Variants in SPAG16 observed in about 807,000 individuals in gnomAD.
The protein encoded by SPAG16 is sperm-associated antigen 16 protein.
SPAG16 carries 86 observed loss-of-function variants against 80.4 expected under a neutral mutation model. That is an observed-to-expected ratio of 1.07 (90% confidence interval 0.90 to 1.28). The LOEUF is 1.28. SPAG16 is among the 50% of genes most tolerant of loss of function. The pLI, the probability that SPAG16 is intolerant of heterozygous loss-of-function variation, is 0.00. For synonymous variants in SPAG16, 294 were observed against 265.9 expected, an observed-to-expected ratio of 1.11 and a Z score of -1.03; for missense variants, 870 against 765.3, an observed-to-expected ratio of 1.14 and a Z score of -1.61.
At chr2:213,309,011 C>T (rs982211592) in intron 3 of SPAG16, among the ~76,000 whole-genome samples, 1 of 152,050 alleles carries the variant, frequency 6.6e-6, no homozygotes, top group Non-Finnish European at 1.5e-5. Flanking sequence ...GTACACACAG[C>T]CTGAAGGTAA....
At chr2:213,940,045 A>G (rs1238650769) in intron 12 of SPAG16, among the ~76,000 whole-genome samples, 1 of 152,176 alleles carries the variant, frequency 6.6e-6, no homozygotes, top group East Asian at 1.9e-4. Context: ...CAAGGCATAC[A>G]CCTACTGTTG....
chr2:213,406,093 G>A (rs994021418), intron 9 of SPAG16, among the ~76,000 whole-genome samples: 1 of 152,156 alleles, frequency 6.6e-6, no homozygotes, highest in Non-Finnish European at 1.5e-5. Context: ...AAAGGCAATG[G>A]TCAATTACTG....
At chr2:213,489,346 T>C (rs2074138537) in intron 9 of SPAG16, among the ~76,000 whole-genome samples, 2 of 152,102 alleles carry the variant, frequency 1.3e-5, no homozygotes, top group African/African-American at 4.8e-5. Context: ...AAATGCTCTT[T>C]GATCTGTAGC....
intron 10 of SPAG16, among the ~76,000 whole-genome samples, chr2:213,522,278 C>T (rs868540805): frequency 4.6e-5 from 7 of 152,106 alleles, no homozygotes; most frequent in Non-Finnish European, 8.8e-5. Context: ...CTCCATTATT[C>T]GAAAGCTTTA....
At chr2:214,030,254 C>T (rs1387531414) in intron 13 of SPAG16, among the ~76,000 whole-genome samples, 1 of 152,116 alleles carries the variant, frequency 6.6e-6, no homozygotes, top group East Asian at 1.9e-4. Context: ...TGGATTATTT[C>T]ACTTAGCACA....
At chr2:213,299,481 T>C (rs951824663) in intron 3 of SPAG16, among the ~76,000 whole-genome samples, 8 of 151,688 alleles carry the variant, frequency 5.3e-5, no homozygotes, top group Non-Finnish European at 8.8e-5. Context: ...GGTTTCACCA[T>C]GTTAGCCAGG....
intron 11 of SPAG16, among the ~76,000 whole-genome samples, chr2:213,877,124 T>C (rs2076170654): frequency 1.3e-5 from 2 of 152,260 alleles, no homozygotes; most frequent in East Asian, 3.9e-4. Flanking sequence ...TAACATGTAC[T>C]TTTTCTGCTT....
intron 14 of SPAG16, among the ~76,000 whole-genome samples, chr2:214,139,717 G>C (rs1245916417): frequency 6.6e-6 from 1 of 151,890 alleles, no homozygotes; most frequent in Non-Finnish European, 1.5e-5. Flanking sequence ...CTTTCTAATG[G>C]CCTGGGTAAA....
At chr2:213,429,323 C>T (rs965770528) in intron 9 of SPAG16, among the ~76,000 whole-genome samples, 2 of 152,084 alleles carry the variant, frequency 1.3e-5, no homozygotes, top group Non-Finnish European at 2.9e-5. Context: ...TGCAGAATTT[C>T]CCTGTTGCCC....
chr2:214,369,746 T>G (rs1699696583), intron 15 of SPAG16, among the ~76,000 whole-genome samples: 1 of 152,054 alleles, frequency 6.6e-6, no homozygotes, highest in Admixed American at 6.6e-5. Context: ...TATTTTCCCC[T>G]GCTATCTCAG....
chr2:213,660,134 C>A (rs1200557664), intron 10 of SPAG16, among the ~76,000 whole-genome samples: 1 of 152,060 alleles, frequency 6.6e-6, no homozygotes, highest in East Asian at 1.9e-4. Flanking sequence ...TATAACACAG[C>A]AAAGAAATAT....
intron 12 of SPAG16, among the ~76,000 whole-genome samples, chr2:214,013,405 A>T (rs1035892854): frequency 1.3e-5 from 2 of 151,778 alleles, no homozygotes; most frequent in African/African-American, 4.8e-5. Context: ...AACCATAGTC[A>T]CCCTACTGTG....
chr2:213,607,391 GT>G (rs2061300541), intron 10 of SPAG16, among the ~76,000 whole-genome samples: 1 of 152,152 alleles, frequency 6.6e-6, no homozygotes, highest in Non-Finnish European at 1.5e-5. Context: ...TATTAGGTGT[GT>G]GAATTAACTT....
chr2:213,711,761 C>CA (rs2065998844), intron 10 of SPAG16, among the ~76,000 whole-genome samples: 1 of 152,196 alleles, frequency 6.6e-6, no homozygotes, highest in Non-Finnish European at 1.5e-5. Flanking sequence ...CTCAGGTGAT[C>CA]TGCCTGCCTT....
At chr2:214,120,777 A>G (rs897485782) in intron 14 of SPAG16, among the ~76,000 whole-genome samples, 1 of 151,898 alleles carries the variant, frequency 6.6e-6, no homozygotes, top group Non-Finnish European at 1.5e-5. Flanking sequence ...CCTGTTATCT[A>G]GCAGATTCTC....
chr2:213,545,226 G>C (rs1179119945), intron 10 of SPAG16, among the ~76,000 whole-genome samples: 1 of 152,116 alleles, frequency 6.6e-6, no homozygotes, highest in Admixed American at 6.6e-5. Flanking sequence ...ATATGATGTA[G>C]AACATCATTT....
At chr2:214,381,233 T>C (rs1700432298) in intron 15 of SPAG16, among the ~76,000 whole-genome samples, 1 of 152,206 alleles carries the variant, frequency 6.6e-6, no homozygotes, top group Non-Finnish European at 1.5e-5. Context: ...AAATGCTTAG[T>C]TCTTACGAAG....
At chr2:213,301,951 A>G (rs1050960821) in intron 3 of SPAG16, among the ~76,000 whole-genome samples, 6 of 152,122 alleles carry the variant, frequency 3.9e-5, no homozygotes, top group Non-Finnish European at 7.4e-5. Flanking sequence ...TAGTCTCCTT[A>G]ACATAGCCTT....
At chr2:213,586,430 C>T (rs907374491) in intron 10 of SPAG16, among the ~76,000 whole-genome samples, 1 of 152,132 alleles carries the variant, frequency 6.6e-6, no homozygotes, top group Non-Finnish European at 1.5e-5. Flanking sequence ...ACCTAATGAC[C>T]ACCCAAAGGC....
Sources: gnomAD v4.1 joint callset for allele counts (sites outside exome capture counted in the v4.1 genomes callset) on GRCh38, gnomAD v4.1.1 for gene constraint, MANE v1.5 for transcripts, NCBI Gene and HGNC (gene_info 2026-07-23, HGNC 2026-07-21) for gene names.